The following PPP1R17 variants were observed in gnomAD, a reference collection of about 807,000 sequenced individuals.
The protein encoded by PPP1R17 is G-substrate.
In PPP1R17, 12 loss-of-function variants were observed where a neutral mutation model predicts 15.9. The observed-to-expected ratio is 0.75, with a 90% CI of 0.48 to 1.22. The LOEUF (loss-of-function observed/expected upper bound fraction) is 1.22. PPP1R17 is among the 50% of genes most tolerant of loss of function. PPP1R17 has a pLI of 0.00. For synonymous variants in PPP1R17, 63 were observed against 64.5 expected, an observed-to-expected ratio of 0.98 and a Z score of 0.11; for missense variants, 211 against 187.3, an observed-to-expected ratio of 1.13 and a Z score of -0.74.
At chr7:31,687,945 C>G (rs1792175365) in intron 1 of PPP1R17, among the ~76,000 whole-genome samples, 1 of 152,180 alleles carries the variant, frequency 6.6e-6, no homozygotes, top group Admixed American at 6.5e-5. Flanking sequence ...TTCTGAGAAT[C>G]AGTTCTATTA....
intron 3 of PPP1R17, 69 bp downstream of exon 3, chr7:31,695,690 A>C: frequency 1.4e-6 from 2 of 1,462,146 alleles, no homozygotes; most frequent in Non-Finnish European, 1.8e-6. Context: ...TTGTTCGTAC[A>C]CATTTTTCCT....
chr7:31,689,111 C>A (rs1221350740), intron 1 of PPP1R17, among the ~76,000 whole-genome samples: 3 of 152,160 alleles, frequency 2.0e-5, no homozygotes, highest in Non-Finnish European at 4.4e-5. Flanking sequence ...GTCCTGATTT[C>A]CACAGCACGT....
Position 31,703,453 on chromosome 7 carries a change from G to A in PPP1R17, c.389-3751G>A, listed in dbSNP as rs538247375. Among the ~76,000 whole-genome samples, 4 of 152,296 alleles carry A rather than the reference G, an allele frequency of 2.6e-5. No homozygotes were observed. In the East Asian group the frequency reaches 5.8e-4, roughly 22 times the overall value. ...AAACAAGAGTTGGGGTGGGAAGGGGGAGAGGTTGTATAACCATAGCCTCTG... is the reference window on the plus strand; with the variant it reads ...AAACAAGAGTTGGGGTGGGAAGGGGAAGAGGTTGTATAACCATAGCCTCTG... On this transcript the variant is annotated intron_variant, in intron 4 of 4. Transcript: ENST00000342032.
intron 2 of PPP1R17, among the ~76,000 whole-genome samples, chr7:31,693,673 G>T (rs958603157): frequency 2.6e-5 from 4 of 152,122 alleles, no homozygotes; most frequent in African/African-American, 9.7e-5. Flanking sequence ...AATCAGAAAA[G>T]ATGTAATAAA....
rs191963007 is a variant in PPP1R17 at position 31,705,205 on chromosome 7, G to C, written c.389-1999G>C. On this transcript the variant is annotated intron_variant, in intron 4 of 4. Transcript: ENST00000342032. ...TATTCCTGAAATCCCAGGAACTTTT[G>C]GGGAGTCAGCAAGGAGCAGATTCTC... 9.2e-5 allele frequency among the ~76,000 whole-genome samples: 14 copies of C among 152,192 alleles called. No homozygotes were observed. In the East Asian group the frequency reaches 2.5e-3, roughly 27 times the overall value.
chr7:31,704,012 C>T (rs1434363644), intron 4 of PPP1R17, among the ~76,000 whole-genome samples: 1 of 152,122 alleles, frequency 6.6e-6, no homozygotes, highest in Admixed American at 6.5e-5. Context: ...TAACCAAGGC[C>T]TGCTTAAGAG....
At chr7:31,706,969 T>C (rs1295421913) in intron 4 of PPP1R17, among the ~76,000 whole-genome samples, 1 of 152,214 alleles carries the variant, frequency 6.6e-6, no homozygotes, top group Non-Finnish European at 1.5e-5. Context: ...AGGTTGCCTC[T>C]GACTTCCAGG....
intron 3 of PPP1R17, chr7:31,695,903 C>T (rs1027704889): frequency 5.0e-5 from 12 of 239,790 alleles, no homozygotes; most frequent in East Asian, 1.7e-4. Context: ...TTCAGGGACC[C>T]GGTCTCATGT....
intron 4 of PPP1R17, among the ~76,000 whole-genome samples, chr7:31,703,210 A>G: frequency 6.6e-6 from 1 of 152,224 alleles, no homozygotes; most frequent in East Asian, 1.9e-4. Context: ...TTCTCTGTTC[A>G]ATCTTATATT....
chr7:31,687,549 A>C (rs1460626489), intron 1 of PPP1R17, among the ~76,000 whole-genome samples: 3 of 152,212 alleles, frequency 2.0e-5, no homozygotes, highest in African/African-American at 7.2e-5. Context: ...TTTCAAGATG[A>C]AGTTGGTGTA....
At chr7:31,695,321 T>G (rs1037939073) in intron 2 of PPP1R17, 148 bp from the exon 3 acceptor site, 1 of 575,596 alleles carries the variant, frequency 1.7e-6, no homozygotes, top group African/African-American at 1.9e-5. Context: ...AAGTCCTTTG[T>G]GGAATAGGCC....
At position 31,695,450 on chromosome 7, in the gene PPP1R17, T is replaced by C. The variant is rs1792537127; in HGVS notation, c.83-19T>C. On this transcript the variant is annotated intron_variant, in intron 2 of 4. Transcript: ENST00000342032. ...AATCATGTTATATTCTTTATTTCTT[T>C]GTATCCTGTCAAAATTAGATGATCT... The C allele has an allele frequency of 6.3e-7, 1 of 1,587,300 alleles. No homozygotes were observed. The highest frequency in any genetic ancestry group is 8.5e-7 in the Non-Finnish European group (1 of 1,170,206).
chr7:31,692,508 C>T lies in PPP1R17; in HGVS notation c.67C>T (p.Arg23Cys), dbSNP rs180897138. Reference sequence around the variant, plus strand: ...AGACAGACTGGACAAGCTAGACCCTCGTTGCAGCCACTTAGGTAAACAAAT... The same window carrying T: ...AGACAGACTGGACAAGCTAGACCCTTGTTGCAGCCACTTAGGTAAACAAAT... ...SEDRLDKLDPRCSHLDDLSDQ... is the reference protein window; with the variant it reads ...SEDRLDKLDPCCSHLDDLSDQ... Residue 23 changes from arginine (R) to cysteine (C), a missense_variant, in exon 2 of 5, where the codon CGT (arginine) becomes TGT (cysteine). Transcript: ENST00000342032. The T allele has an allele frequency of 1.6e-5, 26 of 1,605,842 alleles. No individual in the cohort carries two copies. Among genetic ancestry groups the T allele is most frequent in the East Asian group, 4.5e-5 (2 of 44,814 alleles).
intron 4 of PPP1R17, among the ~76,000 whole-genome samples, chr7:31,697,596 C>A (rs937200214): frequency 2.6e-5 from 4 of 152,070 alleles, no homozygotes; most frequent in African/African-American, 9.7e-5. Flanking sequence ...TGAGCACAGC[C>A]CCAGTCTGTA....
chr7:31,696,432 G>T (rs75930867), intron 3 of PPP1R17, among the ~76,000 whole-genome samples: 1 of 152,160 alleles, frequency 6.6e-6, no homozygotes, highest in South Asian at 2.1e-4. Flanking sequence ...TGTGGGTAGT[G>T]AATTGTGGAA....
intron 1 of PPP1R17, among the ~76,000 whole-genome samples, chr7:31,691,105 T>C (rs1051069328): frequency 6.6e-6 from 1 of 152,088 alleles, no homozygotes; most frequent in Non-Finnish European, 1.5e-5. Flanking sequence ...CTGAAAACAA[T>C]GGTCTGAATT....
Position 31,695,578 on chromosome 7 carries a change from G to C in PPP1R17, c.192G>C (p.Arg64Ser), listed in dbSNP as rs368428211. 3.7e-6 allele frequency: 6 copies of C among 1,613,892 alleles called. No individual in the cohort carries two copies. The highest frequency in any genetic ancestry group is 1.7e-5 in the Admixed American group (1 of 59,988). ...TTGAGTCAGACCAAAAAAAACCAAGGAGGAAAGATACACCGGCGCTGCACA... is the reference window on the plus strand; with the variant it reads ...TTGAGTCAGACCAAAAAAAACCAAGCAGGAAAGATACACCGGCGCTGCACA... ...LNVESDQKKP[R>S]RKDTPALHIP... The change falls in exon 3 of 5, where the codon AGG becomes AGC. Residue 64 changes from arginine (R) to serine (S), a missense_variant. By Grantham distance (110) the Arg-to-Ser change is moderately radical. Coordinates refer to ENST00000342032, the MANE Select transcript of PPP1R17 (RefSeq NM_006658.5).
At chr7:31,691,530 C>G (rs187972104) in intron 1 of PPP1R17, among the ~76,000 whole-genome samples, 1 of 152,194 alleles carries the variant, frequency 6.6e-6, no homozygotes, top group East Asian at 1.9e-4. Context: ...ATGCATTTCT[C>G]CTTCAGACCT....
chr7:31,689,517 G>A (rs770972404), intron 1 of PPP1R17, among the ~76,000 whole-genome samples: 3 of 152,102 alleles, frequency 2.0e-5, no homozygotes, highest in Non-Finnish European at 4.4e-5. Flanking sequence ...AGAGGAAGGC[G>A]TGGGTAGAGT....
Sources: gnomAD v4.1 joint callset for allele counts (sites outside exome capture counted in the v4.1 genomes callset) on GRCh38, gnomAD v4.1.1 for gene constraint, MANE v1.5 for transcripts, NCBI Gene and HGNC (gene_info 2026-07-23, HGNC 2026-07-21) for gene names.